The following GMFG variants were observed in gnomAD, a reference collection of about 807,000 sequenced individuals.
The protein encoded by GMFG is glia maturation factor gamma.
A neutral mutation model predicts 26.1 loss-of-function variants in GMFG; 21 were observed. The ratio of observed to expected loss-of-function variants is 0.80; its 90% CI spans 0.57 to 1.16. The LOEUF is 1.16. Ranked by LOEUF, GMFG falls within the 50% of genes most tolerant of loss-of-function variation. The pLI, the probability that GMFG is intolerant of heterozygous loss-of-function variation, is 0.00. For missense variants in GMFG, 161 were observed against 178.3 expected (o/e 0.90, Z 0.55); for synonymous variants, 65 against 60.8 (o/e 1.07, Z -0.32).
At chr19:39,331,318 C>A (rs1055894886) in intron 4 of GMFG, among the ~76,000 whole-genome samples, 7 of 152,126 alleles carry the variant, frequency 4.6e-5, no homozygotes, top group Non-Finnish European at 8.8e-5. Context: ...AGTCCATTGT[C>A]CCATCTGACT....
intron 3 of GMFG, among the ~76,000 whole-genome samples, chr19:39,334,821 C>T (rs1044715849): frequency 1.3e-5 from 2 of 152,182 alleles, no homozygotes; most frequent in Middle Eastern, 3.4e-3. Flanking sequence ...TGAGCTAGAA[C>T]TTGATCTCCA....
At chr19:39,334,739 A>T (rs2075242005) in intron 3 of GMFG, among the ~76,000 whole-genome samples, 1 of 152,262 alleles carries the variant, frequency 6.6e-6, no homozygotes, top group African/African-American at 2.4e-5. Context: ...TGAGATAAGT[A>T]CTATTCTCCC....
At chr19:39,332,533 A>G (rs952283992) in intron 4 of GMFG, among the ~76,000 whole-genome samples, 1 of 131,822 alleles carries the variant, frequency 7.6e-6, no homozygotes, top group Non-Finnish European at 1.6e-5. Context: ...AAGTTTGTAC[A>G]AAAAAAAAAA....
intron 4 of GMFG, among the ~76,000 whole-genome samples, chr19:39,330,658 G>A (rs73546038): frequency 0.1 from 15,191 of 150,298 alleles, 852 homozygotes; most frequent in Non-Finnish European, 0.12. Flanking sequence ...GTACAGGGAC[G>A]TGGTCTCAGC....
chr19:39,331,907 G>A (rs2075227863), intron 4 of GMFG, among the ~76,000 whole-genome samples: 1 of 152,022 alleles, frequency 6.6e-6, no homozygotes. Flanking sequence ...TGTCACCCAG[G>A]CTGGAGTACA....
chr19:39,328,548 C>T lies in GMFG; in HGVS notation c.358G>A (p.Val120Met). Residue 120 changes from valine (V) to methionine (M), a missense_variant and splice_region_variant, in exon 7 of 7, where the codon GTG (valine) becomes ATG (methionine). Coordinates refer to ENST00000597595, the MANE Select transcript of GMFG (RefSeq NM_004877.4). ...TCATCAGTGGTGCGGATTTCGAACA[C>T]CTGGGCAGAGAGAGGTCTCGGCATT... ...RLVQTAELTK[V>M]FEIRTTDDLT... is the part of the protein sequence containing the mutation. The T allele has an allele frequency of 6.2e-7, 1 of 1,609,918 alleles. No individual in the cohort carries two copies. The highest frequency in any genetic ancestry group is 8.5e-7 in the Non-Finnish European group (1 of 1,176,392).
intron 4 of GMFG, among the ~76,000 whole-genome samples, chr19:39,330,325 C>T (rs2075221363): frequency 6.6e-6 from 1 of 152,136 alleles, no homozygotes; most frequent in Non-Finnish European, 1.5e-5. Flanking sequence ...GCTACAGAAT[C>T]ATCCAAGCCC....
Position 39,328,361 on chromosome 19 carries a change from C to T in GMFG, c.*116G>A, listed in dbSNP as rs2075211698. ...AAACTGAGTCCAAACTGAGGATCTC[C>T]GAGTTTTTGCATTTTAAAATTTATT... On this transcript the variant is annotated 3_prime_UTR_variant, in exon 7 of 7. Transcript: ENST00000597595. The T allele has an allele frequency of 1.4e-6, 1 of 722,380 alleles. No homozygotes were observed. The highest frequency in any genetic ancestry group is 1.8e-5 in the African/African-American group (1 of 56,564). The allele number at this position is 722,380 out of a possible 1,614,324, so 44.7% of individuals were successfully genotyped here. A position where few individuals can be genotyped will look rare whatever the true frequency, so the allele number is the denominator to read the frequency against.
chr19:39,328,767 A>T, intron 6 of GMFG: 1 of 610,406 alleles, frequency 1.6e-6, no homozygotes, highest in Non-Finnish European at 2.9e-6. Context: ...TCGTCCCACT[A>T]CTTGGGAGGC....
At position 39,333,937 on chromosome 19, in the gene GMFG, C is replaced by A. The variant is rs549372084; in HGVS notation, c.151-811G>T. Among the ~76,000 whole-genome samples, 4 of 149,782 alleles carry A rather than the reference C, an allele frequency of 2.7e-5. No individual in the cohort carries two copies. The East Asian group carries it at 8.0e-4, about 30-fold the overall frequency. Reference sequence around the variant, plus strand: ...ACACTAGAGAAATAAGCCTTATTATCATTCTTGTTATTGATAAAGACAGTG... The same window carrying A: ...ACACTAGAGAAATAAGCCTTATTATAATTCTTGTTATTGATAAAGACAGTG... On this transcript the variant is annotated intron_variant, in intron 3 of 6. Coordinates refer to ENST00000597595, the MANE Select transcript of GMFG (RefSeq NM_004877.4).
At chr19:39,335,067 T>G (rs1373584799) in intron 3 of GMFG, among the ~76,000 whole-genome samples, 194 bp downstream of exon 3, 2 of 151,966 alleles carry the variant, frequency 1.3e-5, no homozygotes, top group Non-Finnish European at 2.9e-5. Context: ...GCCAGGCTGG[T>G]CTTGAACTCC....
rs200778340 is a variant in GMFG at position 39,335,470 on chromosome 19, C to T, written c.65G>A (p.Arg22His). 13 of 1,613,696 alleles carry T rather than the reference C, an allele frequency of 8.1e-6. No individual in the cohort carries two copies. Among genetic ancestry groups the T allele is most frequent in the East Asian group, 4.5e-5 (2 of 44,878 alleles). The change falls in exon 2 of 7, where the codon CGC becomes CAC. Residue 22 changes from arginine to histidine, a missense_variant. Transcript: ENST00000597595. Reference protein sequence around the residue: ...PELTEKLRKFRFRKETDNAAI... With the variant: ...PELTEKLRKFHFRKETDNAAI... ...TGCATTGTCTGTCTCTTTTCGGAAG[C>T]GGAATTTCCTCAGCTTTTCTGTTAG...
rs556335109 is a variant in GMFG, at chr19:39,332,336, A to C, written c.200+741T>G. The stretch of plus-strand genomic sequence containing the variant: ...CAGAGCGAGACTCTGTCTCTAACAA[A>C]AAAAAAAAAAAAATAGAGACAAGGT... On this transcript the variant is annotated intron_variant, in intron 4 of 6. Coordinates refer to ENST00000597595, the MANE Select transcript of GMFG (RefSeq NM_004877.4). Among the ~76,000 whole-genome samples, 761 of 149,570 alleles carry C rather than the reference A, an allele frequency of 5.1e-3. 3 individuals are homozygous for C. Among genetic ancestry groups the C allele is most frequent in the African/African-American group, 0.014 (587 of 40,724 alleles).
rs1292391105 is a variant in GMFG at position 39,328,525 on chromosome 19, A to T, written c.381T>A (p.Asp127Glu). Residue 127 changes from aspartate to glutamate, a missense_variant, in exon 7 of 7, where the codon GAT (aspartate) becomes GAA (glutamate). Transcript: ENST00000597595. ...CTTGGAGCCAGGCCTCAGTGAGGTCATCAGTGGTGCGGATTTCGAACACCT... is the reference window on the plus strand; with the variant it reads ...CTTGGAGCCAGGCCTCAGTGAGGTCTTCAGTGGTGCGGATTTCGAACACCT... ...LTKVFEIRTTDDLTEAWLQEK... is the reference protein window; with the variant it reads ...LTKVFEIRTTEDLTEAWLQEK... 6.2e-7 allele frequency: 1 copy of T among 1,613,256 alleles called. No individual in the cohort carries two copies. Among genetic ancestry groups the T allele is most frequent in the Non-Finnish European group, 8.5e-7 (1 of 1,179,248 alleles).
rs369173001 is a variant in GMFG at position 39,333,071 on chromosome 19, G to T, written c.200+6C>A. Reference sequence around the variant, plus strand: ...CCTGATCCAACCCTTTCTTCCCCCAGGATACCTGGGCTGTCTCTCCGGCAA... The same window carrying T: ...CCTGATCCAACCCTTTCTTCCCCCATGATACCTGGGCTGTCTCTCCGGCAA... On this transcript the variant is annotated splice_donor_region_variant and intron_variant, in intron 4 of 6. Coordinates refer to ENST00000597595, the MANE Select transcript of GMFG (RefSeq NM_004877.4). 1.6e-5 allele frequency: 25 copies of T among 1,595,500 alleles called. No individual in the cohort carries two copies. In the African/African-American group the frequency reaches 3.4e-4, roughly 21 times the overall value.
chr19:39,329,500 A>C, intron 5 of GMFG, 44 bp downstream of exon 5: 1 of 1,123,072 alleles, frequency 8.9e-7, no homozygotes, highest in Non-Finnish European at 1.4e-6. Context: ...ACACACACAC[A>C]GAATCGAAGA....
chr19:39,334,880 T>C (rs917545754), intron 3 of GMFG, among the ~76,000 whole-genome samples: 5 of 152,166 alleles, frequency 3.3e-5, no homozygotes, highest in Non-Finnish European at 4.4e-5. Context: ...GACAGAGTCT[T>C]GCTCTGTGGT....
At chr19:39,329,479 TACAC>T in intron 5 of GMFG, 61 bp downstream of exon 5, 2 of 943,448 alleles carry the variant, frequency 2.1e-6, no homozygotes, top group South Asian at 2.7e-5. Flanking sequence ...CATTCGCATT[TACAC>T]ACAAACACAC....
chr19:39,335,938 G>T, intron 1 of GMFG, 36 bp downstream of exon 1: 1 of 1,298,410 alleles, frequency 7.7e-7, no homozygotes, highest in Non-Finnish European at 1.1e-6. Context: ...CCCAACCCCA[G>T]CCCCAGCTCT....
Sources: gnomAD v4.1 joint callset for allele counts (sites outside exome capture counted in the v4.1 genomes callset) on GRCh38, gnomAD v4.1.1 for gene constraint, MANE v1.5 for transcripts, NCBI Gene and HGNC (gene_info 2026-07-23, HGNC 2026-07-21) for gene names.